Variants in PRUNE2 observed in about 807,000 individuals in gnomAD.
The protein encoded by PRUNE2 is prune homolog 2 with BCH domain, also known as protein prune homolog 2.
Under a neutral mutation model 252.0 loss-of-function variants are expected in PRUNE2, and 164 were observed. That is an observed-to-expected ratio of 0.65 (90% CI 0.57 to 0.74). The LOEUF (loss-of-function observed/expected upper bound fraction) is 0.74, where lower values mean the gene tolerates loss of function less well. PRUNE2 is among the 30% of genes least tolerant of loss of function. The pLI, the probability that PRUNE2 is intolerant of heterozygous loss-of-function variation, is 0.00. For missense variants in PRUNE2, 3,495 were observed against 3,711.0 expected (o/e 0.94, Z 1.51); for synonymous variants, 1,292 against 1,350.2 (o/e 0.96, Z 0.94).
intron 15 of PRUNE2, among the ~76,000 whole-genome samples, chr9:76,631,622 A>G (rs951756482): frequency 6.6e-5 from 10 of 152,222 alleles, no homozygotes; most frequent in Non-Finnish European, 1.2e-4. Context: ...AAGGACAGCA[A>G]TCGAGCTATG....
At chr9:76,725,286 A>G (rs1185423774) in intron 6 of PRUNE2, among the ~76,000 whole-genome samples, 1 of 152,196 alleles carries the variant, frequency 6.6e-6, no homozygotes, top group African/African-American at 2.4e-5. Flanking sequence ...ACCTGACCAA[A>G]TGAAGATCAA....
chr9:76,703,394 T>A lies in PRUNE2; in HGVS notation c.8219A>T (p.Glu2740Val). 6.2e-7 allele frequency: 1 copy of A among 1,612,870 alleles called. No homozygotes were observed. The highest frequency in any genetic ancestry group is 8.5e-7 in the Non-Finnish European group (1 of 1,179,254). Residue 2740 changes from glutamate to valine, a missense_variant, in exon 9 of 19, where the codon GAA becomes GTA. Glu to Val is a moderately radical substitution (Grantham distance 121). Transcript: ENST00000376718. The part of the protein sequence containing the change: ...PVQKNMIPDT[E>V]MEEETEFLEL... Reference sequence around the variant, plus strand: ...AAGGAACTCTGTCTCCTCCTCCATTTCCGTGTCAGGGATCATGTTTTTCTG... The same window carrying A: ...AAGGAACTCTGTCTCCTCCTCCATTACCGTGTCAGGGATCATGTTTTTCTG...
At chr9:76,869,618 A>C (rs2133040110) in intron 1 of PRUNE2, among the ~76,000 whole-genome samples, 1 of 152,372 alleles carries the variant, frequency 6.6e-6, no homozygotes, top group African/African-American at 2.4e-5. Context: ...AGATGCAGCA[A>C]GATATAGAAA....
intron 6 of PRUNE2, among the ~76,000 whole-genome samples, chr9:76,728,279 T>A (rs565205144): frequency 1.3e-5 from 2 of 152,112 alleles, no homozygotes; most frequent in African/African-American, 2.4e-5. Context: ...GGGCCTGAAT[T>A]ATCTAAACCT....
At chr9:76,732,255 C>T (rs981493736) in intron 6 of PRUNE2, among the ~76,000 whole-genome samples, 11 of 152,018 alleles carry the variant, frequency 7.2e-5, no homozygotes, top group African/African-American at 2.4e-4. Flanking sequence ...TGCAGTGAGC[C>T]GAGATAGTGC....
At chr9:76,649,614 A>ATAGAT (rs1299396454) in intron 11 of PRUNE2, among the ~76,000 whole-genome samples, 1 of 122,646 alleles carries the variant, frequency 8.2e-6, no homozygotes. Context: ...TAGATAGATG[A>ATAGAT]TAGATAGATA....
At chr9:76,691,942 TC>T in intron 9 of PRUNE2, 1 of 635,518 alleles carries the variant, frequency 1.6e-6, no homozygotes, top group Non-Finnish European at 2.9e-6. Flanking sequence ...GAATTCGGCA[TC>T]CTCTCATCCC....
rs2046584552 is a variant in PRUNE2, at chr9:76,709,855, C to T, written c.2419G>A (p.Asp807Asn). 4 of 1,613,780 alleles carry T rather than the reference C, an allele frequency of 2.5e-6. No individual in the cohort carries two copies. In the South Asian group the frequency reaches 4.4e-5, roughly 18 times the overall value. The change falls in exon 8 of 19, where the codon GAT (aspartate) becomes AAT (asparagine). Residue 807 changes from aspartate (D) to asparagine (N), a missense_variant. Physicochemically the swap from Asp to Asn is conservative, Grantham distance 23. Transcript: ENST00000376718. ...GTATTTTTTAAAGCTTCATCATGAT[C>T]TTCTTTACCAAATGCACTCCAGGCT... ...FPAWSAFGKE[D>N]HDEALKNTWN...
At chr9:76,693,256 C>A (rs188587069) in intron 9 of PRUNE2, among the ~76,000 whole-genome samples, 2 of 150,966 alleles carry the variant, frequency 1.3e-5, no homozygotes, top group Admixed American at 1.3e-4. Context: ...AACTAAATAT[C>A]CAATGTTACA....
intron 1 of PRUNE2, among the ~76,000 whole-genome samples, chr9:76,905,140 C>A (rs1315220251): frequency 6.6e-6 from 1 of 151,918 alleles, no homozygotes; most frequent in East Asian, 1.9e-4. Context: ...ATGTTTATTA[C>A]TGCTGTGCTG....
intron 9 of PRUNE2, among the ~76,000 whole-genome samples, chr9:76,679,622 C>A (rs1248073701): frequency 1.3e-5 from 2 of 152,114 alleles, no homozygotes; most frequent in African/African-American, 4.8e-5. Flanking sequence ...TATCATGTCA[C>A]TGCACCCCAG....
chr9:76,678,304 T>C (rs1285288973), intron 9 of PRUNE2, among the ~76,000 whole-genome samples: 1 of 122,370 alleles, frequency 8.2e-6, no homozygotes, highest in Non-Finnish European at 1.5e-5. Flanking sequence ...TGAGCCGAGA[T>C]GGTGCCACTG....
At chr9:76,720,893 C>CA (rs1299142120) in intron 6 of PRUNE2, among the ~76,000 whole-genome samples, 1 of 152,056 alleles carries the variant, frequency 6.6e-6, no homozygotes, top group Non-Finnish European at 1.5e-5. Context: ...GCGGGCGGAT[C>CA]ACAAGATCAG....
chr9:76,665,275 G>T (rs2133750225), intron 9 of PRUNE2, among the ~76,000 whole-genome samples: 2 of 152,160 alleles, frequency 1.3e-5, no homozygotes, highest in Middle Eastern at 3.4e-3. Context: ...ACTTAGCCTT[G>T]CCAATCTTGC....
intron 9 of PRUNE2, among the ~76,000 whole-genome samples, chr9:76,680,343 AAAACAAACAAAAAAC>A (rs762365848): frequency 6.6e-6 from 1 of 152,222 alleles, no homozygotes; most frequent in Admixed American, 6.5e-5. Flanking sequence ...TACTGTTAAA[AAAACAAACAAAAAAC>A]AAACAAACAA....
rs1396547430 is a variant in PRUNE2 at position 76,675,804 on chromosome 9, C to G, written c.8277-20302G>C. Among the ~76,000 whole-genome samples, 7 of 129,158 alleles carry G rather than the reference C, an allele frequency of 5.4e-5. No individual in the cohort carries two copies. The East Asian group carries it at 1.4e-3, about 25-fold the overall frequency. 84.7% of individuals were successfully genotyped at this position (129,158 alleles called of 152,430 possible). ...ATTGGAAACCATCATTCTCAGTAAACTATCGCAAGAACAAAAAACCAAACA... is the reference window on the plus strand; with the variant it reads ...ATTGGAAACCATCATTCTCAGTAAAGTATCGCAAGAACAAAAAACCAAACA... On this transcript the variant is annotated intron_variant, in intron 9 of 18. Transcript: ENST00000376718.
intron 1 of PRUNE2, among the ~76,000 whole-genome samples, chr9:76,885,021 G>T (rs1396703016): frequency 6.6e-6 from 1 of 152,188 alleles, no homozygotes; most frequent in Non-Finnish European, 1.5e-5. Flanking sequence ...AGGTGTGTCT[G>T]GTTTTCACAG....
chr9:76,662,529 G>GT (rs1407581232), intron 9 of PRUNE2, among the ~76,000 whole-genome samples: 1 of 152,178 alleles, frequency 6.6e-6, no homozygotes, highest in Non-Finnish European at 1.5e-5. Context: ...TTTGACTGTT[G>GT]TTGTAGGATT....
chr9:76,619,419 A>G (rs1258338150), intron 17 of PRUNE2, 32 bp from the exon 18 acceptor site: 1 of 1,499,774 alleles, frequency 6.7e-7, no homozygotes, highest in East Asian at 2.3e-5. Flanking sequence ...GAAGCAGTCA[A>G]CATTTCCCCA....
Sources: gnomAD v4.1 joint callset for allele counts (sites outside exome capture counted in the v4.1 genomes callset) on GRCh38, gnomAD v4.1.1 for gene constraint, MANE v1.5 for transcripts, NCBI Gene and HGNC (gene_info 2026-07-23, HGNC 2026-07-21) for gene names.